Variants in KLHL15 observed in about 807,000 individuals in gnomAD.
KLHL15 encodes kelch-like protein 15.
In KLHL15, 1 loss-of-function variant was observed where a neutral mutation model predicts 29.3. The observed-to-expected ratio is 0.03, with a 90% confidence interval of 0.01 to 0.16. The LOEUF (loss-of-function observed/expected upper bound fraction) is 0.16, where lower values mean the gene tolerates loss of function less well. Among genes scored for constraint, KLHL15 ranks in the 10% least tolerant of loss-of-function variants. The pLI, the probability that KLHL15 is intolerant of heterozygous loss-of-function variation, is 1.00. For missense variants in KLHL15, 215 were observed against 478.5 expected, an observed-to-expected ratio of 0.45 and a Z score of 5.14; for synonymous variants, 212 against 184.5, an observed-to-expected ratio of 1.15 and a Z score of -1.21.
chrX:24,000,769 A>T (rs1206083717), intron 3 of KLHL15, among the ~76,000 whole-genome samples: 1 of 112,366 alleles, frequency 8.9e-6, no homozygotes, highest in Non-Finnish European at 1.9e-5. Context: ...TCCAATGCCT[A>T]AGTGAAGGAA....
chrX:24,004,348 CAAAACAAAACAAAACAAACA>C (rs1473271891), intron 3 of KLHL15, among the ~76,000 whole-genome samples: 1 of 109,725 alleles, frequency 9.1e-6, no homozygotes, highest in Non-Finnish European at 1.9e-5. Context: ...AGACTCCTCT[CAAAACAAAACAAAACAAACA>C]AAAACAAAAC....
intron 3 of KLHL15, among the ~76,000 whole-genome samples, chrX:24,005,686 CAT>C (rs1219705596): frequency 8.9e-6 from 1 of 112,105 alleles, no homozygotes; most frequent in Non-Finnish European, 1.9e-5. Context: ...CTACAGCAAA[CAT>C]GTAATATTTT....
intron 3 of KLHL15, among the ~76,000 whole-genome samples, chrX:24,005,344 T>C (rs1037200392): frequency 1.8e-5 from 2 of 112,330 alleles, no homozygotes; most frequent in African/African-American, 3.2e-5. Context: ...TCAATGTAGA[T>C]AGAAGAGTTA....
intron 2 of KLHL15, among the ~76,000 whole-genome samples, chrX:24,009,707 A>T (rs1331512748): frequency 1.1e-5 from 1 of 94,461 alleles, no homozygotes; most frequent in Non-Finnish European, 2.0e-5. Flanking sequence ...AAAAAAAAAA[A>T]AGCCGGGCTC....
chrX:23,988,995 C>T lies in KLHL15; in HGVS notation c.741G>A (p.Gln247=). 8.3e-7 allele frequency: 1 copy of T among 1,207,545 alleles called. No individual in the cohort carries two copies. Among genetic ancestry groups the T allele is most frequent in the Non-Finnish European group, 1.1e-6 (1 of 893,295 alleles). The change falls in exon 4 of 4, where the codon CAG becomes CAA. Residue 247 remains glutamine, a synonymous_variant. Transcript: ENST00000328046. ...KTSEFYRYSR[Q]LRYEVDQALN... ...ATGCTTGGTCAACTTCGTAACGGAG[C>T]TGTCGGGAGTATCTATAAAATTCTG... is the stretch of plus-strand genomic sequence containing the variant.
chrX:23,986,377 T>C lies in KLHL15; in HGVS notation c.*1544A>G, dbSNP rs1242889125. ...CAGCCATATAGAAGGCATTGCAATATTGCACCAATATTCTAAGATCTGGCA... is the reference window on the plus strand; with the variant it reads ...CAGCCATATAGAAGGCATTGCAATACTGCACCAATATTCTAAGATCTGGCA... On this transcript the variant is annotated 3_prime_UTR_variant, in exon 4 of 4. Transcript: ENST00000328046. The C allele has an allele frequency of 8.9e-6, 1 of 112,498 alleles. No individual in the cohort carries two copies. The highest frequency in any genetic ancestry group is 1.9e-5 in the Non-Finnish European group (1 of 53,245). 9.3% of individuals were successfully genotyped at this position (112,498 alleles called of 1,213,427 possible).
At chrX:24,007,925 G>GA (rs746122923) in intron 2 of KLHL15, among the ~76,000 whole-genome samples, 38 of 96,105 alleles carry the variant, frequency 4.0e-4, no homozygotes, top group South Asian at 1.4e-3. Flanking sequence ...GATATTGTAT[G>GA]AAAAAAAAAA....
chrX:24,006,337 G>A lies in KLHL15; in HGVS notation c.357C>T (p.Phe119=). 8.3e-7 allele frequency: 1 copy of A among 1,211,185 alleles called. No homozygotes were observed. Among genetic ancestry groups the A allele is most frequent in the Non-Finnish European group, 1.1e-6 (1 of 894,894 alleles). Residue 119 remains phenylalanine (F), a synonymous_variant, in exon 3 of 4, where the codon TTC becomes TTT. Transcript: ENST00000328046. ...MYVQLIEVVK[F]CCSFLLAKIC... ...TCTTCGCTAAGAGAAAAGAGCAGCA[G>A]AACTTCACCACTTCTATAAGTTGAA...
intron 3 of KLHL15, among the ~76,000 whole-genome samples, chrX:23,999,751 A>G (rs1929273873): frequency 8.9e-6 from 1 of 112,166 alleles, no homozygotes; most frequent in Admixed American, 9.5e-5. Flanking sequence ...GGCACTCTTC[A>G]GGAATCTGTG....
chrX:24,013,230 T>A (rs778726858), intron 2 of KLHL15, among the ~76,000 whole-genome samples: 8 of 110,075 alleles, frequency 7.3e-5, no homozygotes, highest in Non-Finnish European at 1.3e-4. Context: ...TACCTCAATC[T>A]CCTGAGTAGG....
intron 3 of KLHL15, among the ~76,000 whole-genome samples, chrX:23,993,906 C>T (rs183302572): frequency 1.5e-3 from 167 of 107,978 alleles, no homozygotes; most frequent in Non-Finnish European, 2.6e-3. Flanking sequence ...AATAGCTAGG[C>T]GTGGTGGCAT....
intron 3 of KLHL15, among the ~76,000 whole-genome samples, chrX:24,005,049 T>G (rs1205148022): frequency 9.0e-6 from 1 of 110,517 alleles, no homozygotes; most frequent in Non-Finnish European, 1.9e-5. Context: ...GCTGAGGAAC[T>G]ATTTAACATG....
At chrX:24,007,370 A>C (rs769506282) in intron 2 of KLHL15, among the ~76,000 whole-genome samples, 1 of 105,822 alleles carries the variant, frequency 9.4e-6, no homozygotes, top group Non-Finnish European at 1.9e-5. Context: ...GCATGCACCT[A>C]TAGTCCCAGC....
chrX:23,994,831 T>C (rs1468872652), intron 3 of KLHL15, among the ~76,000 whole-genome samples: 1 of 111,611 alleles, frequency 9.0e-6, no homozygotes, highest in Non-Finnish European at 1.9e-5. Context: ...AAAAAAAATT[T>C]TTTTAATTTA....
chrX:24,005,842 C>T, intron 3 of KLHL15, 147 bp downstream of exon 3: 1 of 459,749 alleles, frequency 2.2e-6, no homozygotes, highest in Admixed American at 3.8e-5. Flanking sequence ...ATAAAGTACT[C>T]TTATGTTATT....
intron 2 of KLHL15, among the ~76,000 whole-genome samples, chrX:24,016,368 AG>A (rs1352790453): frequency 2.0e-3 from 153 of 76,487 alleles, no homozygotes; most frequent in African/African-American, 6.9e-3. Context: ...AAAAAAAAAA[AG>A]GGGGGGTATA....
At chrX:24,020,786 CTTCTAAG>C (rs1929787611) in intron 2 of KLHL15, among the ~76,000 whole-genome samples, 2 of 111,950 alleles carry the variant, frequency 1.8e-5, no homozygotes, top group South Asian at 7.3e-4. Flanking sequence ...AACCCCAAAT[CTTCTAAG>C]TTCTATTCTA....
At position 23,985,884 on chromosome X, in the gene KLHL15, GA is replaced by G. The variant is rs1928976036; in HGVS notation, c.*2036del. 3 of 110,669 alleles carry G rather than the reference GA, an allele frequency of 2.7e-5. No individual in the cohort carries two copies. The highest frequency in any genetic ancestry group is 7.6e-4 in the South Asian group (2 of 2,636). 9.1% of individuals were successfully genotyped at this position (110,669 alleles called of 1,213,427 possible). A position where few individuals can be genotyped will look rare whatever the true frequency, so the allele number is the denominator to read the frequency against. On this transcript the variant is annotated 3_prime_UTR_variant, in exon 4 of 4. Coordinates refer to ENST00000328046, the MANE Select transcript of KLHL15 (RefSeq NM_030624.3). ...CATACAAAGCCACTAAACTAATGTA[GA>G]AAAAAATTAAATGGCTAACTTATTC...
rs1897834179 is a variant in KLHL15 at position 23,991,497 on chromosome X, C to A, written c.706-2467G>T. ...TCATGCCATTGCACTGCAGCCTGGG[C>A]AACAACAGCGAAACTCTTATCTCCA... is the stretch of plus-strand genomic sequence containing the variant. On this transcript the variant is annotated intron_variant, in intron 3 of 3. Coordinates refer to ENST00000328046, the MANE Select transcript of KLHL15 (RefSeq NM_030624.3). 1.8e-5 allele frequency among the ~76,000 whole-genome samples: 2 copies of A among 109,984 alleles called. 1 individual carries two copies. The highest frequency in any genetic ancestry group is 2.0e-4 in the Admixed American group (2 of 10,139).
Sources: allele counts gnomAD v4.1 joint callset (sites outside exome capture counted in the v4.1 genomes callset), GRCh38; gene constraint gnomAD v4.1.1; transcripts MANE v1.5; gene names NCBI Gene and HGNC (gene_info 2026-07-23, HGNC 2026-07-21).